Variants in USH2A observed in about 807,000 individuals in gnomAD.
USH2A encodes Usher syndrome 2A (autosomal recessive, mild).
In USH2A, 443 loss-of-function variants were observed where a neutral mutation model predicts 538.9. That is an observed-to-expected ratio of 0.82 (90% CI 0.76 to 0.89). The LOEUF is 0.89. USH2A is among the 40% of genes least tolerant of loss of function. The pLI is 0.00. For missense variants in USH2A, 6,633 were observed against 6,324.8 expected, an observed-to-expected ratio of 1.05 and a Z score of -1.65; for synonymous variants, 2,413 against 2,273.5, an observed-to-expected ratio of 1.06 and a Z score of -1.75.
At chr1:216,010,346 TC>T (rs796792679) in intron 32 of USH2A, among the ~76,000 whole-genome samples, 26 of 152,168 alleles carry the variant, frequency 1.7e-4, no homozygotes, top group African/African-American at 6.3e-4. Context: ...CTAAGCCACG[TC>T]CCATCTGTGC....
chr1:215,747,348 A>G (rs1289747169), intron 58 of USH2A, among the ~76,000 whole-genome samples: 1 of 152,096 alleles, frequency 6.6e-6, no homozygotes, highest in Non-Finnish European at 1.5e-5. Context: ...AAATAACTTT[A>G]TTTTTCTCTT....
intron 61 of USH2A, among the ~76,000 whole-genome samples, chr1:215,722,419 T>C (rs1194634866): frequency 1.3e-5 from 2 of 152,260 alleles, no homozygotes; most frequent in South Asian, 2.1e-4. Context: ...TAATATTTTA[T>C]GTTATCTAAG....
At chr1:215,809,170 T>C (rs1030508902) in intron 49 of USH2A, among the ~76,000 whole-genome samples, 6 of 152,182 alleles carry the variant, frequency 3.9e-5, no homozygotes, top group Non-Finnish European at 7.4e-5. Context: ...GTCTGAAATG[T>C]AGTTGCCATA....
intron 43 of USH2A, among the ~76,000 whole-genome samples, chr1:215,868,026 G>C (rs1172525134): frequency 6.6e-6 from 1 of 152,088 alleles, no homozygotes; most frequent in African/African-American, 2.4e-5. Flanking sequence ...TGAGATACTT[G>C]CTTAAACATG....
intron 31 of USH2A, 33 bp downstream of exon 31, chr1:216,048,501 A>C (rs1432450246): frequency 6.3e-7 from 1 of 1,587,580 alleles, no homozygotes; most frequent in African/African-American, 1.3e-5. Context: ...CATGACTGAA[A>C]TGTGGAAGTC....
At chr1:216,345,009 G>T (rs2038148427) in intron 4 of USH2A, among the ~76,000 whole-genome samples, 2 of 151,768 alleles carry the variant, frequency 1.3e-5, no homozygotes, top group African/African-American at 4.8e-5. Flanking sequence ...CCAAAAGGGG[G>T]ATGTTTGAGA....
chr1:216,076,172 C>A (rs2031742428), intron 27 of USH2A, among the ~76,000 whole-genome samples: 1 of 152,088 alleles, frequency 6.6e-6, no homozygotes, highest in African/African-American at 2.4e-5. Context: ...ATAACCATTC[C>A]AGGTGATGTC....
intron 11 of USH2A, among the ~76,000 whole-genome samples, chr1:216,273,741 C>T (rs1337158683): frequency 6.7e-6 from 1 of 150,176 alleles, no homozygotes; most frequent in Non-Finnish European, 1.5e-5. Flanking sequence ...ACAATTTCTA[C>T]TTAGTTTTGG....
chr1:215,676,874 G>C (rs1658049010), intron 62 of USH2A, among the ~76,000 whole-genome samples: 1 of 152,064 alleles, frequency 6.6e-6, no homozygotes, highest in Non-Finnish European at 1.5e-5. Context: ...GCTCTGAAAT[G>C]GGTTTGTAGA....
chr1:216,089,554 G>A (rs1179425214), intron 22 of USH2A, among the ~76,000 whole-genome samples: 1 of 152,002 alleles, frequency 6.6e-6, no homozygotes, highest in Admixed American at 6.6e-5. Flanking sequence ...TCTGAAGATA[G>A]AGAGATGTCA....
Position 216,412,498 on chromosome 1 carries a change from C to T in USH2A, c.651+6016G>A, listed in dbSNP as rs189429475. ...ACTGCCATAAAACATGAAAATATTG[C>T]GCAGAACTTTATACAAAATTACATT... On this transcript the variant is annotated intron_variant, in intron 3 of 71. Coordinates refer to ENST00000307340, the MANE Select transcript of USH2A (RefSeq NM_206933.4). Among the ~76,000 whole-genome samples, 96 of 151,986 alleles carry T rather than the reference C, an allele frequency of 6.3e-4. 2 individuals are homozygous for T. The highest frequency in any genetic ancestry group is 2.4e-4 in the Non-Finnish European group (16 of 67,946).
intron 19 of USH2A, among the ~76,000 whole-genome samples, chr1:216,196,229 T>G (rs2034838989): frequency 6.6e-6 from 1 of 152,088 alleles, no homozygotes; most frequent in Non-Finnish European, 1.5e-5. Context: ...GGTTAAATAA[T>G]TATTGTGTGT....
At chr1:216,421,740 T>C (rs1200634246) in intron 2 of USH2A, 112 bp downstream of exon 2, 4 of 1,531,832 alleles carry the variant, frequency 2.6e-6, no homozygotes, top group African/African-American at 2.7e-5. Flanking sequence ...TAGTCTTCAA[T>C]ACCATGAATT....
At chr1:215,828,968 C>T (rs866202829) in intron 47 of USH2A, among the ~76,000 whole-genome samples, 1 of 152,174 alleles carries the variant, frequency 6.6e-6, no homozygotes, top group African/African-American at 2.4e-5. Flanking sequence ...CCAGGTCAGT[C>T]TCTACATTCT....
chr1:215,711,951 G>A (rs912639221), intron 61 of USH2A, among the ~76,000 whole-genome samples: 9 of 152,124 alleles, frequency 5.9e-5, no homozygotes, highest in African/African-American at 2.2e-4. Flanking sequence ...CAGGGACCTG[G>A]ATACACAAAT....
At chr1:215,884,204 C>T (rs937736404) in intron 41 of USH2A, among the ~76,000 whole-genome samples, 2 of 152,132 alleles carry the variant, frequency 1.3e-5, no homozygotes, top group African/African-American at 4.8e-5. Flanking sequence ...CCTGCACGTT[C>T]TGTACATGTA....
intron 24 of USH2A, among the ~76,000 whole-genome samples, chr1:216,086,002 G>C (rs933449744): frequency 1.3e-5 from 2 of 152,044 alleles, no homozygotes; most frequent in African/African-American, 2.4e-5. Flanking sequence ...AACTTCCTGG[G>C]AGAGACTTGG....
intron 13 of USH2A, among the ~76,000 whole-genome samples, chr1:216,242,670 G>A (rs1055178836): frequency 1.3e-5 from 2 of 152,066 alleles, no homozygotes; most frequent in Non-Finnish European, 2.9e-5. Flanking sequence ...ATATCAATGT[G>A]ACTTCACTTG....
chr1:215,762,750 T>C (rs888855178), intron 56 of USH2A, among the ~76,000 whole-genome samples: 12 of 152,050 alleles, frequency 7.9e-5, no homozygotes, highest in Admixed American at 7.2e-4. Flanking sequence ...GAAAAACCTA[T>C]TCTATATAAT....
Sources: allele counts gnomAD v4.1 joint callset (sites outside exome capture counted in the v4.1 genomes callset), GRCh38; gene constraint gnomAD v4.1.1; transcripts MANE v1.5; gene names NCBI Gene and HGNC (gene_info 2026-07-23, HGNC 2026-07-21).